JADE2: variants seen among roughly 807,000 people sequenced by gnomAD.
JADE2 encodes the protein E3 ubiquitin-protein ligase Jade-2.
A neutral mutation model predicts 85.7 loss-of-function variants in JADE2; 13 were observed. The ratio of observed to expected loss-of-function variants is 0.15; its 90% CI spans 0.10 to 0.24. The LOEUF (loss-of-function observed/expected upper bound fraction) is 0.24, where lower values mean the gene tolerates loss of function less well. Ranked by LOEUF, JADE2 falls within the 10% of genes least tolerant of loss-of-function variation. The pLI is 1.00. For missense variants in JADE2, 846 were observed against 1,115.9 expected (o/e 0.76, Z 3.45); for synonymous variants, 440 against 456.1 (o/e 0.96, Z 0.45).
At chr5:134,541,758 G>A (rs961999177) in intron 3 of JADE2, among the ~76,000 whole-genome samples, 4 of 145,620 alleles carry the variant, frequency 2.7e-5, no homozygotes, top group African/African-American at 9.9e-5. Context: ...CTGGGGTTGG[G>A]TTTGGGTGGG....
intron 9 of JADE2, among the ~76,000 whole-genome samples, chr5:134,567,112 G>A (rs562156400): frequency 3.3e-5 from 5 of 152,332 alleles, no homozygotes; most frequent in Admixed American, 6.5e-5. Flanking sequence ...ACGCGGCTCC[G>A]TGGGGTGCTG....
chr5:134,571,420 C>G (rs537153202), intron 9 of JADE2, among the ~76,000 whole-genome samples: 398 of 152,312 alleles, frequency 2.6e-3, no homozygotes, highest in Non-Finnish European at 4.2e-3. Flanking sequence ...AGCCCTGGGC[C>G]GGGCGCGGTG....
At chr5:134,538,109 A>G in intron 3 of JADE2, 26 bp downstream of exon 3, 1 of 1,561,510 alleles carries the variant, frequency 6.4e-7, no homozygotes, top group South Asian at 1.1e-5. Flanking sequence ...CTTCCCAGAG[A>G]TCTGTGGGGA....
Position 134,525,888 on chromosome 5 carries a change from G to C in JADE2, c.-124G>C. The C allele has an allele frequency of 2.0e-6, 2 of 986,272 alleles. No homozygotes were observed. Among genetic ancestry groups the C allele is most frequent in the Non-Finnish European group, 2.4e-6 (2 of 830,676 alleles). The allele number at this position is 986,272 out of a possible 1,614,324, so 61.1% of individuals were successfully genotyped here. A position where few individuals can be genotyped will look rare whatever the true frequency, so the allele number is the denominator to read the frequency against. ...CCTCGCCGCGACCCCGGATGGATGCGCGCCCCCCGCCCTCCCGCGCCGGCC... is the reference window on the plus strand; with the variant it reads ...CCTCGCCGCGACCCCGGATGGATGCCCGCCCCCCGCCCTCCCGCGCCGGCC... On this transcript the variant is annotated 5_prime_UTR_variant, in exon 1 of 12. Transcript: ENST00000681547.
Position 134,550,690 on chromosome 5 carries a change from G to C in JADE2, c.154-1362G>C, listed in dbSNP as rs570974784. On this transcript the variant is annotated intron_variant, in intron 3 of 11. Coordinates refer to ENST00000681547, the MANE Select transcript of JADE2 (RefSeq NM_001388185.1). ...ATTCCACAATAGCGCTTTGTGGGGG[G>C]ATCACGCAGTGGGATCAGGTGACTG... is the stretch of plus-strand genomic sequence containing the variant. 2.6e-5 allele frequency among the ~76,000 whole-genome samples: 4 copies of C among 152,328 alleles called. No individual in the cohort carries two copies. The South Asian group carries it at 6.2e-4, about 24-fold the overall frequency.
intron 4 of JADE2, among the ~76,000 whole-genome samples, chr5:134,557,237 G>A (rs377699524): frequency 7.7e-6 from 1 of 129,500 alleles, no homozygotes; most frequent in East Asian, 2.1e-4. Flanking sequence ...TATTTTTTTT[G>A]TTGTTGTTGT....
chr5:134,533,433 C>A, intron 1 of JADE2: 1 of 605,716 alleles, frequency 1.7e-6, no homozygotes, highest in Non-Finnish European at 2.1e-6. Context: ...GGAGGTATGT[C>A]TTTCCCAAGG....
At chr5:134,543,047 T>C (rs537572365) in intron 3 of JADE2, among the ~76,000 whole-genome samples, 98 of 151,012 alleles carry the variant, frequency 6.5e-4, no homozygotes, top group Non-Finnish European at 1.2e-3. Context: ...CTCTTTTTTT[T>C]TTTTTGAGAC....
intron 4 of JADE2, 111 bp from the exon 5 acceptor site, chr5:134,559,719 C>A: frequency 9.0e-7 from 1 of 1,105,518 alleles, no homozygotes; most frequent in South Asian, 1.6e-5. Flanking sequence ...TGTGTGGTGT[C>A]AAAGCACACT....
chr5:134,525,442 C>T (rs1410879472), upstream of JADE2, among the ~76,000 whole-genome samples: 2 of 151,784 alleles, frequency 1.3e-5, no homozygotes, highest in African/African-American at 4.8e-5. Flanking sequence ...GGGCACCCTT[C>T]CCCCACGGGG....
chr5:134,555,882 T>G (rs1218822411), intron 4 of JADE2, among the ~76,000 whole-genome samples: 1 of 152,164 alleles, frequency 6.6e-6, no homozygotes, highest in Non-Finnish European at 1.5e-5. Context: ...GAACCTTCCT[T>G]CATGTGGGCC....
At chr5:134,551,261 C>T (rs975325288) in intron 3 of JADE2, among the ~76,000 whole-genome samples, 1 of 152,044 alleles carries the variant, frequency 6.6e-6, no homozygotes, top group African/African-American at 2.4e-5. Context: ...GACAGGGACT[C>T]ACTGTCACTC....
chr5:134,546,161 TG>T (rs1762284331), intron 3 of JADE2, among the ~76,000 whole-genome samples: 3 of 110,404 alleles, frequency 2.7e-5, no homozygotes, highest in South Asian at 5.5e-4. Context: ...TTTTTTTGTT[TG>T]TTTGTTTGTT....
chr5:134,526,150 G>C (rs1459456572), intron 1 of JADE2, 139 bp downstream of exon 1: 6 of 985,380 alleles, frequency 6.1e-6, no homozygotes, highest in African/African-American at 5.2e-5. Flanking sequence ...CTGGCTGCCT[G>C]TTCTAGGAAG....
intron 3 of JADE2, among the ~76,000 whole-genome samples, chr5:134,549,866 G>GGAGA (rs1246903088): frequency 1.3e-5 from 2 of 152,188 alleles, no homozygotes; most frequent in Admixed American, 1.3e-4. Context: ...GCTTGGGTGG[G>GGAGA]GAGAACGTTG....
At chr5:134,559,694 G>C in intron 4 of JADE2, 136 bp from the exon 5 acceptor site, 1 of 755,220 alleles carries the variant, frequency 1.3e-6, no homozygotes, top group South Asian at 2.0e-5. Flanking sequence ...GGAGGGGGTG[G>C]AAGGAGGTGG....
At chr5:134,553,652 G>A (rs996334871) in intron 4 of JADE2, among the ~76,000 whole-genome samples, 6 of 152,188 alleles carry the variant, frequency 3.9e-5, no homozygotes, top group Non-Finnish European at 5.9e-5. Flanking sequence ...GCGCCCGGCC[G>A]TAAGCCATGC....
intron 1 of JADE2, among the ~76,000 whole-genome samples, chr5:134,529,943 C>T (rs1456494558): frequency 6.6e-6 from 1 of 152,222 alleles, no homozygotes; most frequent in East Asian, 1.9e-4. Context: ...AGCTGAGTCC[C>T]CTCTGGGACA....
intron 1 of JADE2, among the ~76,000 whole-genome samples, chr5:134,531,658 C>G (rs1479104491): frequency 6.6e-6 from 1 of 151,960 alleles, no homozygotes; most frequent in Non-Finnish European, 1.5e-5. Context: ...TCTCGGCTCA[C>G]TGCAACCTCT....
Sources: gnomAD v4.1 joint callset for allele counts (sites outside exome capture counted in the v4.1 genomes callset) on GRCh38, gnomAD v4.1.1 for gene constraint, MANE v1.5 for transcripts, NCBI Gene and HGNC (gene_info 2026-07-23, HGNC 2026-07-21) for gene names.